The following TSPAN17 variants were observed in gnomAD, a reference collection of about 807,000 sequenced individuals.
TSPAN17 encodes the protein tetraspanin 17.
In TSPAN17, 33 loss-of-function variants were observed where a neutral mutation model predicts 40.5. The ratio of observed to expected loss-of-function variants is 0.81; its 90% CI spans 0.62 to 1.09. The LOEUF (loss-of-function observed/expected upper bound fraction) is 1.09, where lower values mean the gene tolerates loss of function less well. Ranked by LOEUF, TSPAN17 falls within the 50% of genes least tolerant of loss-of-function variation. The pLI, the probability that TSPAN17 is intolerant of heterozygous loss-of-function variation, is 0.00. For missense variants in TSPAN17, 365 were observed against 416.8 expected (o/e 0.88, Z 1.08); for synonymous variants, 166 against 169.4 (o/e 0.98, Z 0.15).
rs1473637422 is a variant in TSPAN17, at chr5:176,657,741, G to A, written c.*43G>A. ...AGATCCACAGCTTCTCTTGAAGAAT[G>A]ACCACCTGGCTACGCCGGCTCTTCG... On this transcript the variant is annotated 3_prime_UTR_variant, in exon 9 of 9. Transcript: ENST00000508164. 6.5e-7 allele frequency: 1 copy of A among 1,529,712 alleles called. No homozygotes were observed. The highest frequency in any genetic ancestry group is 8.7e-7 in the Non-Finnish European group (1 of 1,143,004). 94.8% of individuals were successfully genotyped at this position (1,529,712 alleles called of 1,614,324 possible). A position where few individuals can be genotyped will look rare whatever the true frequency, so the allele number is the denominator to read the frequency against.
chr5:176,652,917 A>C lies in TSPAN17; in HGVS notation c.456+4A>C. ...CATTGACTTTGCTCAGGAATACGTG[A>C]GTCCAGTGTCCAGCCTGGGACACCT... On this transcript the variant is annotated splice_donor_region_variant and intron_variant, in intron 4 of 8. Coordinates refer to ENST00000508164, the MANE Select transcript of TSPAN17 (RefSeq NM_130465.5). 1 of 1,614,010 alleles carries C rather than the reference A, an allele frequency of 6.2e-7. No homozygotes were observed. The highest frequency in any genetic ancestry group is 8.5e-7 in the Non-Finnish European group (1 of 1,179,904).
chr5:176,647,510 C>G lies in TSPAN17; in HGVS notation c.-106C>G, dbSNP rs1267201666. 2.4e-6 allele frequency: 2 copies of G among 819,680 alleles called. No homozygotes were observed. Among genetic ancestry groups the G allele is most frequent in the Non-Finnish European group, 1.7e-6 (1 of 589,728 alleles). 50.8% of individuals were successfully genotyped at this position (819,680 alleles called of 1,614,324 possible). A position where few individuals can be genotyped will look rare whatever the true frequency, so the allele number is the denominator to read the frequency against. ...CTCTGTGTGGCCGAGGCCATGAAGC[C>G]GCAGCCGCCCGGCTAGGCCCCGGGC... On this transcript the variant is annotated 5_prime_UTR_variant, in exon 1 of 9. Transcript: ENST00000508164.
intron 1 of TSPAN17, among the ~76,000 whole-genome samples, chr5:176,649,684 C>T (rs535532480): frequency 6.6e-6 from 1 of 152,314 alleles, no homozygotes; most frequent in South Asian, 2.1e-4. Context: ...GCCTTGGCCT[C>T]CCAAAGTGCT....
In TSPAN17 at chr5:176,658,855, T is replaced by G. The variant is rs1374827517; in HGVS notation, c.*1157T>G. The G allele has an allele frequency of 1.3e-5, 2 of 152,214 alleles. No individual in the cohort carries two copies. The highest frequency in any genetic ancestry group is 4.8e-5 in the African/African-American group (2 of 41,450). The allele number at this position is 152,214 out of a possible 1,614,324, so 9.4% of individuals were successfully genotyped here. ...AGCTTTGGCCCCATGCCCCTGTAGGTCCCTCTGGGACAGTCACCGCTGGGG... is the reference window on the plus strand; with the variant it reads ...AGCTTTGGCCCCATGCCCCTGTAGGGCCCTCTGGGACAGTCACCGCTGGGG... On this transcript the variant is annotated 3_prime_UTR_variant, in exon 9 of 9. Coordinates refer to ENST00000508164, the MANE Select transcript of TSPAN17 (RefSeq NM_130465.5).
At chr5:176,656,531 C>T (rs373349959) in intron 6 of TSPAN17, among the ~76,000 whole-genome samples, 169 bp from the exon 7 acceptor site, 8 of 152,116 alleles carry the variant, frequency 5.3e-5, no homozygotes, top group South Asian at 4.1e-4. Flanking sequence ...CAGGAGGGGG[C>T]GTGCATCTGT....
chr5:176,657,774 C>T lies in TSPAN17; in HGVS notation c.*76C>T. The T allele has an allele frequency of 2.0e-6, 3 of 1,520,038 alleles. No individual in the cohort carries two copies. The highest frequency in any genetic ancestry group is 1.3e-5 in the South Asian group (1 of 74,534). 94.2% of individuals were successfully genotyped at this position (1,520,038 alleles called of 1,614,324 possible). ...GGCTACGCCGGCTCTTCGGTGGCAA[C>T]ACTACCTGGGACACTGCCTCCCCAG... On this transcript the variant is annotated 3_prime_UTR_variant, in exon 9 of 9. Coordinates refer to ENST00000508164, the MANE Select transcript of TSPAN17 (RefSeq NM_130465.5).
At chr5:176,657,112 C>T in intron 8 of TSPAN17, 156 bp downstream of exon 8, 3 of 785,338 alleles carry the variant, frequency 3.8e-6, no homozygotes, top group Non-Finnish European at 5.9e-6. Flanking sequence ...GCTGTGCTGT[C>T]CACCCACGGA....
At position 176,647,589 on chromosome 5, in the gene TSPAN17, T is replaced by A; in HGVS notation, c.-27T>A. The stretch of plus-strand genomic sequence containing the variant: ...GCTGGGCCTGGCTCCCGGCTCCGGT[T>A]TCCGGGCCGGCGGGTGGCCGCTCAC... On this transcript the variant is annotated 5_prime_UTR_variant, in exon 1 of 9. Transcript: ENST00000508164. The A allele has an allele frequency of 6.4e-7, 1 of 1,560,470 alleles. No individual in the cohort carries two copies. Among genetic ancestry groups the A allele is most frequent in the Non-Finnish European group, 8.7e-7 (1 of 1,155,618 alleles).
In TSPAN17 at chr5:176,651,978, G is replaced by A. The variant is rs373544660; in HGVS notation, c.285+78G>A. On this transcript the variant is annotated intron_variant, in intron 3 of 8. Transcript: ENST00000508164. The surrounding 1 kb of genome is among the most constrained non-coding windows in gnomAD (Gnocchi z 4.5). The stretch of plus-strand genomic sequence containing the variant: ...TCTTGCAATACAGTTGGAGCTTAAT[G>A]ATGGGTAGCTTTATTATTATGCTAT... The A allele has an allele frequency of 1.5e-4, 230 of 1,554,940 alleles. No homozygotes were observed. The South Asian group carries it at 2.4e-3, about 16-fold the overall frequency.
intron 8 of TSPAN17, 105 bp downstream of exon 8, chr5:176,657,061 TG>T: frequency 8.3e-7 from 1 of 1,205,556 alleles, no homozygotes. Flanking sequence ...CTGCAGGAGA[TG>T]TTCCTGCTGG....
At chr5:176,652,674 C>A in intron 3 of TSPAN17, 69 bp from the exon 4 acceptor site, 1 of 1,516,226 alleles carries the variant, frequency 6.6e-7, no homozygotes, top group Non-Finnish European at 9.1e-7. Context: ...CCCTGTGGCA[C>A]ACCCAAGCCC....
chr5:176,649,530 C>T (rs956581437), intron 1 of TSPAN17, among the ~76,000 whole-genome samples: 4 of 151,832 alleles, frequency 2.6e-5, no homozygotes, highest in Admixed American at 2.6e-4. Flanking sequence ...CAGGTTCAAG[C>T]GATTCTCCTG....
chr5:176,655,892 C>T (rs1186628300), intron 5 of TSPAN17, among the ~76,000 whole-genome samples, 186 bp from the exon 6 acceptor site: 2 of 150,878 alleles, frequency 1.3e-5, no homozygotes, highest in Non-Finnish European at 1.5e-5. Flanking sequence ...TGGAGTGAGA[C>T]CCTGTCTCAA....
chr5:176,656,172 G>A (rs1412538641), intron 6 of TSPAN17, 47 bp downstream of exon 6: 2 of 1,605,164 alleles, frequency 1.2e-6, no homozygotes, highest in South Asian at 2.2e-5. Flanking sequence ...AGGGGTACTG[G>A]GTTGGGTATG....
At chr5:176,648,116 G>A (rs928565525) in intron 1 of TSPAN17, among the ~76,000 whole-genome samples, 2 of 152,260 alleles carry the variant, frequency 1.3e-5, no homozygotes, top group Admixed American at 6.5e-5. Context: ...GAAGGGAGCC[G>A]CCAGGCCCCT....
In TSPAN17 at chr5:176,654,212, G is replaced by C. The variant is rs1488138122; in HGVS notation, c.457-683G>C. ...TCCAGCTCTCTGGCTCGGCCACGGG[G>C]CCTGCCTGTGTCTGCTGCCGAGCTT... On this transcript the variant is annotated intron_variant, in intron 4 of 8. Transcript: ENST00000508164. This position sits in a 1 kb window ranked among gnomAD's most constrained non-coding sequence, Gnocchi z 4.3. 1 of 152,776 alleles carries C rather than the reference G, an allele frequency of 6.5e-6. No homozygotes were observed. Among genetic ancestry groups the C allele is most frequent in the African/African-American group, 2.4e-5 (1 of 41,442 alleles). 9.5% of individuals were successfully genotyped at this position (152,776 alleles called of 1,614,324 possible).
chr5:176,654,576 T>C lies in TSPAN17; in HGVS notation c.457-319T>C. The C allele has an allele frequency of 3.3e-6, 1 of 302,666 alleles. No homozygotes were observed. Among genetic ancestry groups the C allele is most frequent in the Admixed American group, 4.7e-5 (1 of 21,250 alleles). 18.7% of individuals were successfully genotyped at this position (302,666 alleles called of 1,614,324 possible). ...CAGCGGTCTCTGCTGCCACAGGGCTTGGCCCAGCGCCTGCCTCTCAGGTAG... is the reference window on the plus strand; with the variant it reads ...CAGCGGTCTCTGCTGCCACAGGGCTCGGCCCAGCGCCTGCCTCTCAGGTAG... On this transcript the variant is annotated intron_variant, in intron 4 of 8. Transcript: ENST00000508164. This position sits in a 1 kb window ranked among gnomAD's most constrained non-coding sequence, Gnocchi z 4.3.
chr5:176,649,898 C>T (rs1401683464), intron 1 of TSPAN17, among the ~76,000 whole-genome samples: 1 of 152,242 alleles, frequency 6.6e-6, no homozygotes, highest in Non-Finnish European at 1.5e-5. Context: ...TTGCTCTTTT[C>T]ATCATTCAAA....
intron 1 of TSPAN17, among the ~76,000 whole-genome samples, chr5:176,648,143 C>T (rs751024683): frequency 2.0e-5 from 3 of 152,194 alleles, no homozygotes; most frequent in Admixed American, 6.5e-5. Context: ...GCCTCCTTTC[C>T]CTTCCAGTAG....
Sources: allele counts gnomAD v4.1 joint callset (sites outside exome capture counted in the v4.1 genomes callset), GRCh38; gene constraint gnomAD v4.1.1; non-coding constraint Gnocchi (gnomAD v3.1); transcripts MANE v1.5; gene names NCBI Gene and HGNC (gene_info 2026-07-23, HGNC 2026-07-21).